Variants in EFCAB6 observed in about 807,000 individuals in gnomAD.
EFCAB6 encodes the protein EF-hand calcium-binding domain-containing protein 6.
A neutral mutation model predicts 169.8 loss-of-function variants in EFCAB6; 156 were observed. The ratio of observed to expected loss-of-function variants is 0.92; its 90% CI spans 0.81 to 1.05. The LOEUF is 1.05. EFCAB6 is among the 50% of genes least tolerant of loss of function. The pLI, the probability that EFCAB6 is intolerant of heterozygous loss-of-function variation, is 0.00. For synonymous variants in EFCAB6, 698 were observed against 676.4 expected, an observed-to-expected ratio of 1.03 and a Z score of -0.50; for missense variants, 1,800 against 1,829.1, an observed-to-expected ratio of 0.98 and a Z score of 0.29.
In EFCAB6 at chr22:43,744,302, G is replaced by C. The variant is rs2060485837; in HGVS notation, c.508-8309C>G. 6.6e-6 allele frequency among the ~76,000 whole-genome samples: 1 copy of C among 152,080 alleles called. No individual in the cohort carries two copies. Among genetic ancestry groups the C allele is most frequent in the Non-Finnish European group, 1.5e-5 (1 of 68,004 alleles). ...GGTAGGTGGGGAGATTGCAAGCCAAGACAATCCTTGTAGAGACAGGACAGG... is the reference window on the plus strand; with the variant it reads ...GGTAGGTGGGGAGATTGCAAGCCAACACAATCCTTGTAGAGACAGGACAGG... On this transcript the variant is annotated intron_variant, in intron 6 of 31. Coordinates refer to ENST00000262726, the MANE Select transcript of EFCAB6 (RefSeq NM_022785.4). This position sits in a 1 kb window ranked among gnomAD's most constrained non-coding sequence, Gnocchi z 4.3.
chr22:43,776,002 T>C (rs2061627457), intron 3 of EFCAB6, among the ~76,000 whole-genome samples: 1 of 152,170 alleles, frequency 6.6e-6, no homozygotes, highest in Non-Finnish European at 1.5e-5. Context: ...GTGAGCAAAA[T>C]AAATGACTGT....
At chr22:43,576,029 A>C (rs964999225) in intron 26 of EFCAB6, among the ~76,000 whole-genome samples, 1 of 152,248 alleles carries the variant, frequency 6.6e-6, no homozygotes, top group Non-Finnish European at 1.5e-5. Context: ...AAGACTCCTT[A>C]GAATGCTAAA....
At chr22:43,654,595 T>C (rs1218234404) in intron 17 of EFCAB6, among the ~76,000 whole-genome samples, 1 of 152,148 alleles carries the variant, frequency 6.6e-6, no homozygotes, top group African/African-American at 2.4e-5. Context: ...CTCCACAAAA[T>C]ATCTGATCAG....
At chr22:43,593,118 C>G (rs1226314951) in intron 23 of EFCAB6, among the ~76,000 whole-genome samples, 1 of 151,450 alleles carries the variant, frequency 6.6e-6, no homozygotes, top group Non-Finnish European at 1.5e-5. Flanking sequence ...GACCCACTGA[C>G]AGCAAAATTT....
chr22:43,541,758 C>T (rs1602146119), intron 27 of EFCAB6, among the ~76,000 whole-genome samples: 1 of 152,198 alleles, frequency 6.6e-6, no homozygotes, highest in Non-Finnish European at 1.5e-5. Flanking sequence ...GCCCCCCTGA[C>T]ACCTTCCCAT....
Position 43,713,898 on chromosome 22 carries a change from G to A in EFCAB6, c.883-2275C>T, listed in dbSNP as rs949011741. The stretch of plus-strand genomic sequence containing the variant: ...TGCAACTATGCCAATATATGATGGG[G>A]AAAAAGAGAAAGAAGGATCAGGCAA... On this transcript the variant is annotated intron_variant, in intron 9 of 31. Transcript: ENST00000262726. Among the ~76,000 whole-genome samples the A allele has an allele frequency of 3.9e-5, 6 of 152,146 alleles. No individual in the cohort carries two copies. The South Asian group carries it at 1.0e-3, about 26-fold the overall frequency.
At chr22:43,687,131 C>T (rs1343805737) in intron 11 of EFCAB6, among the ~76,000 whole-genome samples, 2 of 152,182 alleles carry the variant, frequency 1.3e-5, no homozygotes, top group African/African-American at 4.8e-5. Flanking sequence ...ATGCTTAGAG[C>T]TAGGGAGCAG....
intron 25 of EFCAB6, among the ~76,000 whole-genome samples, chr22:43,577,943 C>G (rs908683588): frequency 1.3e-5 from 2 of 151,922 alleles, no homozygotes; most frequent in African/African-American, 4.8e-5. Flanking sequence ...TTCCCACCTC[C>G]AAGAGTCTGA....
rs773822530 is a variant in EFCAB6, at chr22:43,540,143, G to A, written c.3863C>T (p.Ser1288Leu). The change falls in exon 28 of 32, where the codon TCG becomes TTG. Residue 1288 changes from serine to leucine, a missense_variant. Ser to Leu is a moderately radical substitution (Grantham distance 145). Transcript: ENST00000262726. ...AGAACTCACACAGGGGTGGCTCTGCGACTTTGACCCTGGTCTCAGCTCCTG... is the reference window on the plus strand; with the variant it reads ...AGAACTCACACAGGGGTGGCTCTGCAACTTTGACCCTGGTCTCAGCTCCTG... Reference protein sequence around the residue: ...PTQELRPGSKSQSHPCTPAST... With the variant: ...PTQELRPGSKLQSHPCTPAST... 38 of 1,613,962 alleles carry A rather than the reference G, an allele frequency of 2.4e-5. No individual in the cohort carries two copies. The East Asian group carries it at 2.7e-4, about 11-fold the overall frequency.
chr22:43,535,957 C>T (rs892278335), intron 29 of EFCAB6: 1 of 152,234 alleles, frequency 6.6e-6, no homozygotes. Flanking sequence ...GCCTCTGATG[C>T]TCTGACTCAC....
chr22:43,573,790 G>C (rs1569180359), intron 26 of EFCAB6, among the ~76,000 whole-genome samples: 1 of 148,372 alleles, frequency 6.7e-6, no homozygotes, highest in Non-Finnish European at 1.5e-5. Context: ...ATTAATACTA[G>C]TTGTCCCAAG....
chr22:43,773,764 T>C (rs1475787680), intron 3 of EFCAB6, among the ~76,000 whole-genome samples: 1 of 152,232 alleles, frequency 6.6e-6, no homozygotes, highest in Non-Finnish European at 1.5e-5. Flanking sequence ...GGAGAATAGC[T>C]TGAACCTGGG....
chr22:43,715,368 G>A (rs954621006), intron 9 of EFCAB6, among the ~76,000 whole-genome samples: 2 of 152,104 alleles, frequency 1.3e-5, no homozygotes, highest in African/African-American at 4.8e-5. Flanking sequence ...TCAGCTGGAC[G>A]ATCACAGTGC....
intron 24 of EFCAB6, among the ~76,000 whole-genome samples, chr22:43,585,035 C>T (rs769443739): frequency 2.0e-5 from 3 of 152,180 alleles, no homozygotes; most frequent in Non-Finnish European, 1.5e-5. Context: ...TACCTCAGTT[C>T]CTGTCTGGCT....
intron 17 of EFCAB6, among the ~76,000 whole-genome samples, chr22:43,648,064 C>G (rs942370848): frequency 6.6e-6 from 1 of 151,982 alleles, no homozygotes; most frequent in Admixed American, 6.6e-5. Flanking sequence ...CTATTAGTTT[C>G]CTAAGGCTGT....
chr22:43,592,435 G>A (rs937887656), intron 23 of EFCAB6, among the ~76,000 whole-genome samples: 4 of 152,154 alleles, frequency 2.6e-5, no homozygotes, highest in Admixed American at 6.5e-5. Flanking sequence ...GAAAGCAAAT[G>A]AAGGTAGAAA....
intron 17 of EFCAB6, among the ~76,000 whole-genome samples, chr22:43,653,110 G>C (rs924145129): frequency 6.6e-6 from 1 of 152,172 alleles, no homozygotes; most frequent in Admixed American, 6.5e-5. Flanking sequence ...GTGGGATCCT[G>C]GAAAGGAGTC....
At chr22:43,791,927 C>T (rs528195044) in intron 2 of EFCAB6, among the ~76,000 whole-genome samples, 34 of 152,282 alleles carry the variant, frequency 2.2e-4, no homozygotes, top group Non-Finnish European at 4.4e-4. Context: ...CAAAGAGAAA[C>T]GCAGCAGGAG....
intron 13 of EFCAB6, among the ~76,000 whole-genome samples, chr22:43,673,474 T>A (rs939020788): frequency 1.2e-3 from 180 of 152,306 alleles, no homozygotes; most frequent in Admixed American, 2.8e-3. Flanking sequence ...TTATTTAGTA[T>A]ATTTTAAAAT....
Sources: allele counts gnomAD v4.1 joint callset (sites outside exome capture counted in the v4.1 genomes callset), GRCh38; gene constraint gnomAD v4.1.1; non-coding constraint Gnocchi (gnomAD v3.1); transcripts MANE v1.5; gene names NCBI Gene and HGNC (gene_info 2026-07-23, HGNC 2026-07-21).